TMX1: variants seen among roughly 807,000 people sequenced by gnomAD.
TMX1 encodes the protein thioredoxin-related transmembrane protein 1.
A neutral mutation model predicts 36.6 loss-of-function variants in TMX1; 25 were observed. The ratio of observed to expected loss-of-function variants is 0.68; its 90% CI spans 0.50 to 0.95. The LOEUF (loss-of-function observed/expected upper bound fraction) is 0.95, where lower values mean the gene tolerates loss of function less well. Ranked by LOEUF, TMX1 falls within the 40% of genes least tolerant of loss-of-function variation. The pLI, the probability that TMX1 is intolerant of heterozygous loss-of-function variation, is 0.00. For synonymous variants in TMX1, 133 were observed against 118.0 expected, an observed-to-expected ratio of 1.13 and a Z score of -0.82; for missense variants, 347 against 339.6, an observed-to-expected ratio of 1.02 and a Z score of -0.17.
At chr14:51,250,752 A>G (rs951769100) in intron 7 of TMX1, among the ~76,000 whole-genome samples, 1 of 152,128 alleles carries the variant, frequency 6.6e-6, no homozygotes, top group Admixed American at 6.5e-5. Context: ...CGGCCTCCCA[A>G]AGTGCTGGGA....
chr14:51,255,462 T>C lies in TMX1; in HGVS notation c.*943T>C, dbSNP rs2065834299. The C allele has an allele frequency of 6.6e-6, 1 of 151,822 alleles. No individual in the cohort carries two copies. Among genetic ancestry groups the C allele is most frequent in the African/African-American group, 2.4e-5 (1 of 41,394 alleles). 9.4% of individuals were successfully genotyped at this position (151,822 alleles called of 1,614,324 possible). A position where few individuals can be genotyped will look rare whatever the true frequency, so the allele number is the denominator to read the frequency against. ...GATTTTTGTCTGATGTGAAAAAGCC[T>C]TGGTATTTTACATTTTGAAAATTCA... On this transcript the variant is annotated 3_prime_UTR_variant, in exon 8 of 8. Transcript: ENST00000457354.
chr14:51,251,499 G>A (rs867530771), intron 7 of TMX1, among the ~76,000 whole-genome samples: 6 of 152,052 alleles, frequency 3.9e-5, no homozygotes, highest in East Asian at 1.9e-4. Context: ...TCATATGGCC[G>A]TCAGAAAATC....
chr14:51,253,162 G>A (rs1200554812), intron 7 of TMX1, among the ~76,000 whole-genome samples: 1 of 152,084 alleles, frequency 6.6e-6, no homozygotes, highest in Non-Finnish European at 1.5e-5. Context: ...CACTATTGAC[G>A]TTTTTGGCCA....
intron 1 of TMX1, among the ~76,000 whole-genome samples, chr14:51,243,201 T>A (rs542382627): frequency 1.3e-5 from 2 of 152,106 alleles, no homozygotes; most frequent in South Asian, 4.1e-4. Context: ...GTAATTTAAA[T>A]GCTAATATGC....
At chr14:51,244,262 T>G (rs1034244210) in intron 2 of TMX1, 2 of 193,544 alleles carry the variant, frequency 1.0e-5, no homozygotes, top group African/African-American at 4.7e-5. Context: ...TGCCTCTGAT[T>G]TGTTGTTCTT....
chr14:51,246,564 A>G (rs1415516683), intron 3 of TMX1, among the ~76,000 whole-genome samples: 1 of 152,194 alleles, frequency 6.6e-6, no homozygotes, highest in Non-Finnish European at 1.5e-5. Context: ...GGTGGATCTA[A>G]GGAAGGCTGC....
At chr14:51,248,571 C>T (rs990380114) in intron 4 of TMX1, among the ~76,000 whole-genome samples, 1 of 152,160 alleles carries the variant, frequency 6.6e-6, no homozygotes, top group East Asian at 1.9e-4. Context: ...GATTAAAATA[C>T]CTTTCTGTGT....
In TMX1 at chr14:51,240,444, T is replaced by G; in HGVS notation, c.152T>G (p.Phe51Cys). The change falls in exon 1 of 8, where the codon TTT becomes TGT. Residue 51 changes from phenylalanine to cysteine, a missense_variant and splice_region_variant. Physicochemically the swap from Phe to Cys is radical, Grantham distance 205. Transcript: ENST00000457354. ...CTGGAAGGAGACTGGATGATAGAATTGTGAGTGCGGGGCGGCCAGGGTCCT... is the reference window on the plus strand; with the variant it reads ...CTGGAAGGAGACTGGATGATAGAATGGTGAGTGCGGGGCGGCCAGGGTCCT... ...ELLEGDWMIEFYAPWCPACQN... is the reference protein window; with the variant it reads ...ELLEGDWMIECYAPWCPACQN... The G allele has an allele frequency of 6.2e-7, 1 of 1,613,304 alleles. No homozygotes were observed. Among genetic ancestry groups the G allele is most frequent in the Non-Finnish European group, 8.5e-7 (1 of 1,179,638 alleles).
At chr14:51,254,259 A>G (rs957689001) in intron 7 of TMX1, 82 bp from the exon 8 acceptor site, 4 of 1,272,868 alleles carry the variant, frequency 3.1e-6, no homozygotes, top group African/African-American at 1.5e-5. Flanking sequence ...GTTTTGGGGC[A>G]TATGAGACAT....
At chr14:51,248,896 A>G (rs1188922973) in intron 4 of TMX1, among the ~76,000 whole-genome samples, 1 of 152,216 alleles carries the variant, frequency 6.6e-6, no homozygotes, top group Non-Finnish European at 1.5e-5. Flanking sequence ...ATAGTTCTTA[A>G]ATGGAAAGAA....
Position 51,240,419 on chromosome 14 carries a change from C to G in TMX1, c.127C>G (p.Leu43Val). The G allele has an allele frequency of 6.2e-7, 1 of 1,613,996 alleles. No individual in the cohort carries two copies. The highest frequency in any genetic ancestry group is 1.1e-5 in the South Asian group (1 of 91,088). The change falls in exon 1 of 8, where the codon CTG becomes GTG. Residue 43 changes from leucine (L) to valine (V), a missense_variant. Physicochemically the swap from Leu to Val is conservative, Grantham distance 32. Transcript: ENST00000457354. ...VITDENWRELLEGDWMIEFYA... is the reference protein window; with the variant it reads ...VITDENWRELVEGDWMIEFYA... The stretch of plus-strand genomic sequence containing the variant: ...CACGGACGAGAACTGGAGAGAACTG[C>G]TGGAAGGAGACTGGATGATAGAATT...
rs1053497327 is a variant in TMX1, at chr14:51,249,016, G to A, written c.444-310G>A. Among the ~76,000 whole-genome samples the A allele has an allele frequency of 2.6e-5, 4 of 152,104 alleles. No individual in the cohort carries two copies. In the South Asian group the frequency reaches 8.3e-4, roughly 32 times the overall value. On this transcript the variant is annotated intron_variant, in intron 4 of 7. Coordinates refer to ENST00000457354, the MANE Select transcript of TMX1 (RefSeq NM_030755.5). ...TTTTCCAACTGGTTTCATGGAACTT[G>A]TAACCCTTTACTCAGTGTATTGGAG...
At position 51,240,470 on chromosome 14, in the gene TMX1, A is replaced by G. The variant is rs143106792; in HGVS notation, c.152+26A>G. 535 of 1,609,492 alleles carry G rather than the reference A, an allele frequency of 3.3e-4. 2 individuals carry two copies. In the African/African-American group the frequency reaches 6.2e-3, roughly 19 times the overall value. On this transcript the variant is annotated intron_variant, in intron 1 of 7. Coordinates refer to ENST00000457354, the MANE Select transcript of TMX1 (RefSeq NM_030755.5). Reference sequence around the variant, plus strand: ...GTGAGTGCGGGGCGGCCAGGGTCCTACGTCCGTGCCTGGACACACGACTTC... The same window carrying G: ...GTGAGTGCGGGGCGGCCAGGGTCCTGCGTCCGTGCCTGGACACACGACTTC...
At chr14:51,240,504 C>T (rs1234653284) in intron 1 of TMX1, 60 bp downstream of exon 1, 5 of 1,571,488 alleles carry the variant, frequency 3.2e-6, no homozygotes, top group Middle Eastern at 1.7e-4. Flanking sequence ...TCACCCCGCA[C>T]GTTCCTCGTG....
rs564930654 is a variant in TMX1, at chr14:51,254,831, G to T, written c.*312G>T. Reference sequence around the variant, plus strand: ...AGTTTTGAAAATTTACATTTCCCAAGTATTGCATTATTGAGGTATTTAAGA... The same window carrying T: ...AGTTTTGAAAATTTACATTTCCCAATTATTGCATTATTGAGGTATTTAAGA... On this transcript the variant is annotated 3_prime_UTR_variant, in exon 8 of 8. Coordinates refer to ENST00000457354, the MANE Select transcript of TMX1 (RefSeq NM_030755.5). 1.4e-4 allele frequency: 25 copies of T among 183,988 alleles called. No individual in the cohort carries two copies. Among genetic ancestry groups the T allele is most frequent in the Middle Eastern group, 2.2e-3 (1 of 446 alleles). The allele number at this position is 183,988 out of a possible 1,614,324, so 11.4% of individuals were successfully genotyped here. A position where few individuals can be genotyped will look rare whatever the true frequency, so the allele number is the denominator to read the frequency against.
At position 51,256,544 on chromosome 14, in the gene TMX1, G is replaced by A. The variant is rs1404275524; in HGVS notation, c.*2025G>A. The A allele has an allele frequency of 6.6e-6, 1 of 152,174 alleles. No individual in the cohort carries two copies. Among genetic ancestry groups the A allele is most frequent in the Non-Finnish European group, 1.5e-5 (1 of 68,034 alleles). The allele number at this position is 152,174 out of a possible 1,614,324, so 9.4% of individuals were successfully genotyped here. Reference sequence around the variant, plus strand: ...GGTATAGTAAAAGTAATATCCTGGAGAATTCTGGGCCACCTACCCACCATA... The same window carrying A: ...GGTATAGTAAAAGTAATATCCTGGAAAATTCTGGGCCACCTACCCACCATA... On this transcript the variant is annotated 3_prime_UTR_variant, in exon 8 of 8. Transcript: ENST00000457354.
rs765140691 is a variant in TMX1, at chr14:51,256,342, C to T, written c.*1823C>T. The T allele has an allele frequency of 6.6e-6, 1 of 151,800 alleles. No individual in the cohort carries two copies. Among genetic ancestry groups the T allele is most frequent in the African/African-American group, 2.4e-5 (1 of 41,320 alleles). The allele number at this position is 151,800 out of a possible 1,614,324, so 9.4% of individuals were successfully genotyped here. On this transcript the variant is annotated 3_prime_UTR_variant, in exon 8 of 8. Transcript: ENST00000457354. ...GCAAAACAAAAACCACAAAAAGACC[C>T]CTGTACTATAGAAAATGTAAAGTTG...
At position 51,254,310 on chromosome 14, in the gene TMX1, CAAAA is replaced by C. The variant is rs550412149; in HGVS notation, c.665-29_665-26del. The stretch of plus-strand genomic sequence containing the variant: ...CTCTAAAGCAAATCTAATACATCAA[CAAAA>C]ATACATTTTTGGTCTTTGTCTTTAA... On this transcript the variant is annotated intron_variant, in intron 7 of 7. Coordinates refer to ENST00000457354, the MANE Select transcript of TMX1 (RefSeq NM_030755.5). The C allele has an allele frequency of 2.3e-4, 356 of 1,559,962 alleles. 5 individuals carry two copies. In the South Asian group the frequency reaches 4.1e-3, roughly 18 times the overall value.
intron 7 of TMX1, among the ~76,000 whole-genome samples, chr14:51,250,550 G>A (rs2139856994): frequency 6.6e-6 from 1 of 152,282 alleles, no homozygotes; most frequent in Middle Eastern, 3.4e-3. Context: ...GGAGTGCAGT[G>A]GCGCGATCTT....
Sources: gnomAD v4.1 joint callset for allele counts (sites outside exome capture counted in the v4.1 genomes callset) on GRCh38, gnomAD v4.1.1 for gene constraint, MANE v1.5 for transcripts, NCBI Gene and HGNC (gene_info 2026-07-23, HGNC 2026-07-21) for gene names.